PRH1: variants seen among roughly 807,000 people sequenced by gnomAD.
The protein encoded by PRH1 is salivary acidic proline-rich phosphoprotein 1/2.
Under a neutral mutation model 7.9 loss-of-function variants are expected in PRH1, and 7 were observed. That is an observed-to-expected ratio of 0.89 (90% CI 0.50 to 1.67). The LOEUF (loss-of-function observed/expected upper bound fraction) is 1.67. PRH1 is among the 40% of genes most tolerant of loss of function. The pLI, the probability that PRH1 is intolerant of heterozygous loss-of-function variation, is 0.00. For missense variants in PRH1, 109 were observed against 223.6 expected (o/e 0.49, Z 3.27); for synonymous variants, 45 against 80.8 (o/e 0.56, Z 2.38).
chr12:10,949,095 T>A (rs183613115), intron 2 of PRH1, among the ~76,000 whole-genome samples: 2 of 152,310 alleles, frequency 1.3e-5, no homozygotes, highest in Admixed American at 1.3e-4. Context: ...AGCTGCCAAC[T>A]GCAGCCCTGG....
intron 1 of PRH1, among the ~76,000 whole-genome samples, chr12:11,145,625 G>A (rs1056850681): frequency 5.3e-5 from 8 of 152,262 alleles, no homozygotes; most frequent in African/African-American, 1.9e-4. Context: ...TCACAGAAAA[G>A]GAAATTTGGG....
intron 1 of PRH1, among the ~76,000 whole-genome samples, chr12:11,102,838 T>G (rs555162518): frequency 6.6e-6 from 1 of 152,004 alleles, no homozygotes; most frequent in African/African-American, 2.4e-5. Flanking sequence ...TTAAACAAAT[T>G]TACAAGAAAA....
intron 2 of PRH1, among the ~76,000 whole-genome samples, chr12:10,951,927 C>A (rs1468163498): frequency 6.6e-6 from 1 of 152,122 alleles, no homozygotes; most frequent in Non-Finnish European, 1.5e-5. Context: ...AAGAAAGGAT[C>A]TTGGAGTCAG....
intron 1 of PRH1, among the ~76,000 whole-genome samples, chr12:10,991,647 G>A (rs1939942344): frequency 6.6e-6 from 1 of 151,878 alleles, no homozygotes; most frequent in Non-Finnish European, 1.5e-5. Flanking sequence ...TGAACCATGT[G>A]GCTACATTAT....
intron 1 of PRH1, among the ~76,000 whole-genome samples, chr12:11,013,979 T>C (rs1901190): frequency 0.24 from 35,980 of 151,824 alleles, 333 homozygotes; most frequent in East Asian, 0.48. Flanking sequence ...TCTGCCTGCC[T>C]AAGCCTCCCA....
At chr12:10,906,293 C>T (rs1949801678) in intron 2 of PRH1, among the ~76,000 whole-genome samples, 2 of 152,042 alleles carry the variant, frequency 1.3e-5, no homozygotes, top group African/African-American at 4.8e-5. Context: ...TCCAACTGTT[C>T]CATAAAATAT....
chr12:11,164,159 G>T (rs1947502427), intron 1 of PRH1, among the ~76,000 whole-genome samples: 2 of 152,190 alleles, frequency 1.3e-5, no homozygotes, highest in South Asian at 4.1e-4. Context: ...CTCTGTAAAG[G>T]TGTTTCTAGA....
intron 2 of PRH1, chr12:10,938,901 G>A (rs772575816): frequency 1.2e-6 from 2 of 1,613,824 alleles, no homozygotes; most frequent in Admixed American, 3.3e-5. Flanking sequence ...AAAGTACCGA[G>A]GCCTGTAGCT....
chr12:11,146,438 T>C lies in PRH1; in HGVS notation n.39+24984A>G, dbSNP rs1017218847. Reference sequence around the variant, plus strand: ...ATGTCATCTAAGAACATGATTTTTTTATTAGGTAAAATGAGTATTTTTAAT... The same window carrying C: ...ATGTCATCTAAGAACATGATTTTTTCATTAGGTAAAATGAGTATTTTTAAT... On this transcript the variant is annotated intron_variant and non_coding_transcript_variant, in intron 1 of 1. Coordinates refer to the PRH1 transcript ENST00000541175. Among the ~76,000 whole-genome samples the C allele has an allele frequency of 2.0e-5, 3 of 152,156 alleles. No homozygotes were observed. In the South Asian group the frequency reaches 6.2e-4, roughly 32 times the overall value.
intron 2 of PRH1, among the ~76,000 whole-genome samples, chr12:10,897,730 C>T (rs1456504966): frequency 1.3e-5 from 2 of 152,178 alleles, no homozygotes; most frequent in East Asian, 1.9e-4. Flanking sequence ...GTGCCTTACA[C>T]TTTCAAACAA....
chr12:11,144,016 G>A (rs186402848), intron 1 of PRH1, among the ~76,000 whole-genome samples: 52 of 152,254 alleles, frequency 3.4e-4, no homozygotes, highest in South Asian at 1.2e-3. Flanking sequence ...TGGACTCCAC[G>A]GGGGTCCTTA....
chr12:11,154,003 T>C (rs1947181885), intron 1 of PRH1, among the ~76,000 whole-genome samples: 1 of 152,180 alleles, frequency 6.6e-6, no homozygotes, highest in African/African-American at 2.4e-5. Flanking sequence ...TACTTTAATA[T>C]TGAAATAAAG....
chr12:11,055,267 GT>G (rs1943315696), intron 1 of PRH1, among the ~76,000 whole-genome samples: 1 of 151,956 alleles, frequency 6.6e-6, no homozygotes, highest in Non-Finnish European at 1.5e-5. Flanking sequence ...TATCAAATAA[GT>G]ATATAAGTGT....
chr12:11,135,249 T>A (rs966097939), intron 1 of PRH1, among the ~76,000 whole-genome samples: 1 of 152,152 alleles, frequency 6.6e-6, no homozygotes, highest in African/African-American at 2.4e-5. Flanking sequence ...GAACTTGAAG[T>A]TCAATCATTT....
At chr12:10,995,488 T>C (rs1428698130) in intron 1 of PRH1, among the ~76,000 whole-genome samples, 2 of 152,204 alleles carry the variant, frequency 1.3e-5, no homozygotes, top group African/African-American at 4.8e-5. Flanking sequence ...TATTAGTGAA[T>C]ATGTCAACAC....
At chr12:10,943,034 G>C (rs1950428162) in intron 2 of PRH1, among the ~76,000 whole-genome samples, 1 of 152,174 alleles carries the variant, frequency 6.6e-6, no homozygotes, top group Admixed American at 6.5e-5. Flanking sequence ...CTGCAATTTG[G>C]GCCTTCACAG....
chr12:11,128,372 C>G (rs1592068166), intron 1 of PRH1, among the ~76,000 whole-genome samples: 1 of 152,114 alleles, frequency 6.6e-6, no homozygotes, highest in East Asian at 1.9e-4. Flanking sequence ...AGTCAGACGC[C>G]AGGTCAGGAA....
chr12:11,032,191 T>A (rs1404957546), intron 1 of PRH1, among the ~76,000 whole-genome samples: 1 of 152,238 alleles, frequency 6.6e-6, no homozygotes, highest in Non-Finnish European at 1.5e-5. Context: ...GTGTTTGCAA[T>A]TTTTCCTTGT....
At chr12:11,133,362 G>C in intron 1 of PRH1, 6 of 1,610,092 alleles carry the variant, frequency 3.7e-6, no homozygotes, top group Non-Finnish European at 5.1e-6. Flanking sequence ...CTCACATGCC[G>C]CAAAACTGAA....
Sources: gnomAD v4.1 joint callset for allele counts (sites outside exome capture counted in the v4.1 genomes callset) on GRCh38, gnomAD v4.1.1 for gene constraint, MANE v1.5 for transcripts, NCBI Gene and HGNC (gene_info 2026-07-23, HGNC 2026-07-21) for gene names.